PRKCQ: variants seen among roughly 807,000 people sequenced by gnomAD.
PRKCQ encodes the protein protein kinase C theta type.
In PRKCQ, 41 loss-of-function variants were observed where a neutral mutation model predicts 91.2. The observed-to-expected ratio is 0.45, with a 90% CI of 0.35 to 0.58. The LOEUF is 0.58. Among genes scored for constraint, PRKCQ ranks in the 20% least tolerant of loss-of-function variants. The pLI is 0.00. For synonymous variants in PRKCQ, 307 were observed against 316.9 expected, an observed-to-expected ratio of 0.97 and a Z score of 0.33; for missense variants, 673 against 896.5, an observed-to-expected ratio of 0.75 and a Z score of 3.18.
rs986567219 is a variant in PRKCQ, at chr10:6,576,236, C to T, written c.-10+3975G>A. On this transcript the variant is annotated intron_variant, in intron 1 of 17. Transcript: ENST00000263125. This position sits in a 1 kb window ranked among gnomAD's most constrained non-coding sequence, Gnocchi z 4.2. The stretch of plus-strand genomic sequence containing the variant: ...TACCCCAAAGAATTGAAAGCAGGAC[C>T]TCAAACAGATATCTGCGTGTTCCTC... Among the ~76,000 whole-genome samples, 1 of 152,166 alleles carries T rather than the reference C, an allele frequency of 6.6e-6. No individual in the cohort carries two copies. The highest frequency in any genetic ancestry group is 2.4e-5 in the African/African-American group (1 of 41,418).
At position 6,576,432 on chromosome 10, in the gene PRKCQ, G is replaced by C. The variant is rs928909099; in HGVS notation, c.-10+3779C>G. 3.3e-5 allele frequency among the ~76,000 whole-genome samples: 5 copies of C among 152,248 alleles called. No homozygotes were observed. Among genetic ancestry groups the C allele is most frequent in the Non-Finnish European group, 5.9e-5 (4 of 68,046 alleles). On this transcript the variant is annotated intron_variant, in intron 1 of 17. Coordinates refer to ENST00000263125, the MANE Select transcript of PRKCQ (RefSeq NM_006257.5). The surrounding 1 kb of genome is among the most constrained non-coding windows in gnomAD (Gnocchi z 4.2). ...ACAGCTTGAGAACACTATGCTAAGT[G>C]AAATAAGACAGTTACAAAAGGATGG...
chr10:6,531,172 A>G (rs562380734), intron 1 of PRKCQ, among the ~76,000 whole-genome samples: 6 of 151,712 alleles, frequency 4.0e-5, no homozygotes, highest in Admixed American at 3.3e-4. Context: ...TGGGGTGAGG[A>G]TGGAGCTTTA....
chr10:6,424,445 A>C (rs1393508121), downstream of PRKCQ, among the ~76,000 whole-genome samples: 1 of 152,188 alleles, frequency 6.6e-6, no homozygotes, highest in East Asian at 1.9e-4. Context: ...CTCCTTCCGC[A>C]GTCCGATGAC....
chr10:6,482,920 G>A (rs1451810591), intron 11 of PRKCQ, among the ~76,000 whole-genome samples: 1 of 152,068 alleles, frequency 6.6e-6, no homozygotes, highest in Non-Finnish European at 1.5e-5. Flanking sequence ...ACCTTCCACT[G>A]GGTCCCTCCC....
At chr10:6,454,912 G>A (rs1834927254) in intron 15 of PRKCQ, among the ~76,000 whole-genome samples, 1 of 152,172 alleles carries the variant, frequency 6.6e-6, no homozygotes, top group South Asian at 2.1e-4. Flanking sequence ...GAAGCAAGCT[G>A]TGGAAGCCGG....
At chr10:6,396,799 T>C in the PRKCQ span, among the ~76,000 whole-genome samples, 1 of 152,386 alleles carries the variant, frequency 6.6e-6, no homozygotes, top group South Asian at 2.1e-4. Flanking sequence ...CTTGGATATA[T>C]AACTAGGAGA....
At position 6,574,112 on chromosome 10, in the gene PRKCQ, T is replaced by TA. The variant is rs761514651; in HGVS notation, c.-10+6098dup. ...GCCTGGGCGACAGAGCAAGACCCCGTAAAAAAAAATGCAAAGAGCCAAAGA... is the reference window on the plus strand; with the variant it reads ...GCCTGGGCGACAGAGCAAGACCCCGTAAAAAAAAAATGCAAAGAGCCAAAGA... On this transcript the variant is annotated intron_variant, in intron 1 of 17. Coordinates refer to ENST00000263125, the MANE Select transcript of PRKCQ (RefSeq NM_006257.5). Among the ~76,000 whole-genome samples, 254 of 151,028 alleles carry TA rather than the reference T, an allele frequency of 1.7e-3. 1 individual carries two copies. Among genetic ancestry groups the TA allele is most frequent in the Non-Finnish European group, 2.5e-3 (166 of 67,590 alleles).
chr10:6,461,779 G>C (rs1835365311), intron 14 of PRKCQ, among the ~76,000 whole-genome samples: 1 of 152,068 alleles, frequency 6.6e-6, no homozygotes, highest in South Asian at 2.1e-4. Context: ...CTGACAGTAA[G>C]CTTGTAAAGG....
chr10:6,542,205 A>G (rs2130918156), intron 1 of PRKCQ, among the ~76,000 whole-genome samples: 1 of 152,368 alleles, frequency 6.6e-6, no homozygotes, highest in South Asian at 2.1e-4. Context: ...TTCTTTGCCT[A>G]TAAAATGAGG....
At chr10:6,431,711 G>A (rs191326397) in intron 16 of PRKCQ, among the ~76,000 whole-genome samples, 77 of 152,314 alleles carry the variant, frequency 5.1e-4, no homozygotes, top group African/African-American at 1.7e-3. Context: ...GCATTGTGGG[G>A]ACTCAGGTAT....
chr10:6,565,456 C>T (rs1012893974), intron 1 of PRKCQ, among the ~76,000 whole-genome samples: 3 of 152,176 alleles, frequency 2.0e-5, no homozygotes, highest in Non-Finnish European at 2.9e-5. Flanking sequence ...TTTTCCTCTG[C>T]GAGCTCTAGC....
chr10:6,407,894 T>C, the PRKCQ span, among the ~76,000 whole-genome samples: 1 of 152,118 alleles, frequency 6.6e-6, no homozygotes, highest in South Asian at 2.1e-4. The surrounding 1 kb of genome is among the most constrained non-coding windows in gnomAD (Gnocchi z 4.0). Flanking sequence ...TGTAAATAAG[T>C]ATAAAATGAT....
chr10:6,550,587 T>C (rs767394431), intron 1 of PRKCQ, among the ~76,000 whole-genome samples: 3 of 152,266 alleles, frequency 2.0e-5, no homozygotes, highest in Non-Finnish European at 4.4e-5. Flanking sequence ...ATTGCATGTT[T>C]GTAGCATATT....
chr10:6,400,718 GA>G, the PRKCQ span, among the ~76,000 whole-genome samples: 54,368 of 136,270 alleles, frequency 0.4, 10,766 homozygotes, highest in Non-Finnish European at 0.47. Flanking sequence ...TTAAGAAACT[GA>G]AAAAAAAAAA....
chr10:6,404,253 G>GAGAGAGAGAGAGAGA, the PRKCQ span, among the ~76,000 whole-genome samples: 2 of 12,406 alleles, frequency 1.6e-4, no homozygotes, highest in South Asian at 0.015. Context: ...GAGAAGGGGG[G>GAGAGAGAGAGAGAGA]GGGAGAGAGA....
At chr10:6,404,383 GTTCTTTCTTTTCTTTCTTTCC>G in the PRKCQ span, among the ~76,000 whole-genome samples, 1 of 120,246 alleles carries the variant, frequency 8.3e-6, no homozygotes, top group Non-Finnish European at 1.9e-5. Context: ...TCTTTCTTTC[GTTCTTTCTTTTCTTTCTTTCC>G]TTCTTTCTTT....
chr10:6,425,572 C>G (rs1468384526), downstream of PRKCQ, among the ~76,000 whole-genome samples: 1 of 151,924 alleles, frequency 6.6e-6, no homozygotes, highest in Non-Finnish European at 1.5e-5. Context: ...TCAGAGGACA[C>G]CTGAAAGAAT....
rs542984176 is a variant in PRKCQ at position 6,485,225 on chromosome 10, C to G, written c.945G>C (p.Pro315=). 7.4e-6 allele frequency: 12 copies of G among 1,613,924 alleles called. No homozygotes were observed. The highest frequency in any genetic ancestry group is 1.0e-5 in the Non-Finnish European group (12 of 1,180,004). ...TGGAGCATGGGAGACCAATTTCAAC[C>G]GGACCTTCTCTGAAGATCTGTTCAG... ...RDTEQIFREG[P]VEIGLPCSIK... The change falls in exon 10 of 18, where the codon CCG becomes CCC. Residue 315 remains proline, a synonymous_variant. Coordinates refer to ENST00000263125, the MANE Select transcript of PRKCQ (RefSeq NM_006257.5).
At chr10:6,479,879 G>A (rs1210918611) in intron 11 of PRKCQ, among the ~76,000 whole-genome samples, 1 of 151,790 alleles carries the variant, frequency 6.6e-6, no homozygotes, top group African/African-American at 2.4e-5. Context: ...TTGAACCTGG[G>A]AGGCGGAGGT....
Sources: gnomAD v4.1 joint callset for allele counts (sites outside exome capture counted in the v4.1 genomes callset) on GRCh38, gnomAD v4.1.1 for gene constraint, Gnocchi (gnomAD v3.1) non-coding constraint, MANE v1.5 for transcripts, NCBI Gene and HGNC (gene_info 2026-07-23, HGNC 2026-07-21) for gene names.